Variants in ASXL1 observed in about 807,000 individuals in gnomAD.
ASXL1 encodes ASXL transcriptional regulator 1.
A neutral mutation model predicts 89.1 loss-of-function variants in ASXL1; 65 were observed. That is an observed-to-expected ratio of 0.73 (90% CI 0.60 to 0.90). ASXL1 has a LOEUF of 0.90. Among genes scored for constraint, ASXL1 ranks in the 40% least tolerant of loss-of-function variants. The pLI, the probability that ASXL1 is intolerant of heterozygous loss-of-function variation, is 0.00. For missense variants in ASXL1, 1,786 were observed against 1,942.9 expected (o/e 0.92, Z 1.52); for synonymous variants, 739 against 746.9 (o/e 0.99, Z 0.17).
intron 4 of ASXL1, among the ~76,000 whole-genome samples, chr20:32,417,090 A>G (rs972368262): frequency 1.3e-5 from 2 of 152,216 alleles, no homozygotes; most frequent in African/African-American, 4.8e-5. Context: ...ATGTAGATTG[A>G]CAGGTCTAGG....
At chr20:32,363,273 GAT>G (rs1184261901) in intron 1 of ASXL1, among the ~76,000 whole-genome samples, 1 of 149,016 alleles carries the variant, frequency 6.7e-6, no homozygotes, top group Non-Finnish European at 1.5e-5. Flanking sequence ...AAAAAAAAAA[GAT>G]ATAAAAATTC....
intron 3 of ASXL1, among the ~76,000 whole-genome samples, chr20:32,368,604 T>C (rs567833275): frequency 6.6e-6 from 1 of 152,316 alleles, no homozygotes; most frequent in African/African-American, 2.4e-5. Flanking sequence ...GTCATAGTAT[T>C]CTGTGGCAGT....
chr20:32,437,137 C>T lies in ASXL1; in HGVS notation c.4425C>T (p.Ser1475=), dbSNP rs2011966101. Reference sequence around the variant, plus strand: ...TTGCTGGAAGTGTGGTGCAGCTGAGCCACAAAGCAAACTTTGGTGCGAGCC... The same window carrying T: ...TTGCTGGAAGTGTGGTGCAGCTGAGTCACAAAGCAAACTTTGGTGCGAGCC... ...KGLAGSVVQL[S]HKANFGASHS... is the part of the protein sequence containing the mutation. The change falls in exon 13 of 13, where the codon AGC becomes AGT. Residue 1475 remains serine (S), a synonymous_variant. Transcript: ENST00000375687. 1 of 1,614,082 alleles carries T rather than the reference C, an allele frequency of 6.2e-7. No individual in the cohort carries two copies. Among genetic ancestry groups the T allele is most frequent in the African/African-American group, 1.3e-5 (1 of 74,926 alleles).
chr20:32,367,708 T>C lies in ASXL1; in HGVS notation c.141-19T>C. 1 of 780,932 alleles carries C rather than the reference T, an allele frequency of 1.3e-6. No individual in the cohort carries two copies. The highest frequency in any genetic ancestry group is 2.4e-5 in the East Asian group (1 of 41,252). 48.4% of individuals were successfully genotyped at this position (780,932 alleles called of 1,614,324 possible). A position where few individuals can be genotyped will look rare whatever the true frequency, so the allele number is the denominator to read the frequency against. On this transcript the variant is annotated intron_variant, in intron 2 of 12. Transcript: ENST00000375687. ...ATCATGCTGCTGTCTGCACTGCTGTTGGACCACTTTGCCTATAGAAGGTAA... is the reference window on the plus strand; with the variant it reads ...ATCATGCTGCTGTCTGCACTGCTGTCGGACCACTTTGCCTATAGAAGGTAA...
intron 4 of ASXL1, among the ~76,000 whole-genome samples, chr20:32,379,682 T>C (rs923490253): frequency 2.0e-5 from 3 of 151,146 alleles, no homozygotes; most frequent in African/African-American, 7.3e-5. Flanking sequence ...GAAAATTAGC[T>C]GGGATTACAG....
intron 1 of ASXL1, 26 bp from the exon 2 acceptor site, chr20:32,366,357 GA>G (rs1435344229): frequency 1.3e-6 from 2 of 1,573,770 alleles, no homozygotes; most frequent in South Asian, 2.2e-5. Context: ...ATTGCACACT[GA>G]AATTAGGACG....
chr20:32,360,939 G>T (rs561563296), intron 1 of ASXL1: 1 of 152,654 alleles, frequency 6.6e-6, no homozygotes, highest in South Asian at 2.1e-4. Flanking sequence ...TAAAGATGGG[G>T]TTTTTCCATG....
At chr20:32,374,515 C>G (rs2048346529) in intron 4 of ASXL1, among the ~76,000 whole-genome samples, 1 of 151,878 alleles carries the variant, frequency 6.6e-6, no homozygotes, top group African/African-American at 2.4e-5. Flanking sequence ...AGGCTAGTCT[C>G]AAACTCCTGG....
chr20:32,428,043 C>G, intron 4 of ASXL1, 85 bp from the exon 5 acceptor site: 1 of 1,582,032 alleles, frequency 6.3e-7, no homozygotes, highest in South Asian at 1.1e-5. Context: ...CCCTCTTTTT[C>G]AAAAGCATAC....
intron 4 of ASXL1, among the ~76,000 whole-genome samples, chr20:32,376,230 ATTTTAT>A (rs2048375576): frequency 6.6e-6 from 1 of 151,310 alleles, no homozygotes; most frequent in South Asian, 2.1e-4. Flanking sequence ...CAGTTATTTT[ATTTTAT>A]TTTTATTTTA....
At chr20:32,421,954 C>T (rs1300236327) in intron 4 of ASXL1, among the ~76,000 whole-genome samples, 4 of 149,018 alleles carry the variant, frequency 2.7e-5, no homozygotes, top group Admixed American at 1.3e-4. Context: ...CTGCAAGCTC[C>T]GCCTCCCGGG....
At chr20:32,358,883 T>A in intron 1 of ASXL1, 51 bp downstream of exon 1, 1 of 1,416,310 alleles carries the variant, frequency 7.1e-7, no homozygotes, top group Non-Finnish European at 9.3e-7. Context: ...TGGGGGGGGC[T>A]CGCCGCGCAC....
intron 12 of ASXL1, 55 bp from the exon 13 acceptor site, chr20:32,434,377 C>G: frequency 6.3e-7 from 1 of 1,597,014 alleles, no homozygotes; most frequent in Middle Eastern, 1.7e-4. Context: ...GCTTTACAGT[C>G]CCTAGGTCAG....
intron 4 of ASXL1, among the ~76,000 whole-genome samples, chr20:32,420,411 A>C (rs1399477108): frequency 1.3e-5 from 2 of 152,124 alleles, no homozygotes; most frequent in East Asian, 1.9e-4. Flanking sequence ...CAGATTTGCC[A>C]CATTCGTAGT....
chr20:32,433,162 T>G, intron 11 of ASXL1, 122 bp from the exon 12 acceptor site: 2 of 1,546,932 alleles, frequency 1.3e-6, no homozygotes, highest in East Asian at 4.8e-5. Flanking sequence ...CATGGTTAGA[T>G]TGTGCACCAC....
At chr20:32,422,778 G>T (rs1179646415) in intron 4 of ASXL1, among the ~76,000 whole-genome samples, 1 of 151,222 alleles carries the variant, frequency 6.6e-6, no homozygotes, top group Non-Finnish European at 1.5e-5. Flanking sequence ...GTAGAGACGG[G>T]GTTTCACCAT....
chr20:32,377,494 T>C (rs1005649706), intron 4 of ASXL1, among the ~76,000 whole-genome samples: 1 of 152,070 alleles, frequency 6.6e-6, no homozygotes, highest in African/African-American at 2.4e-5. Flanking sequence ...ATCCTTTATC[T>C]GAAATGCTTG....
Position 32,434,664 on chromosome 20 carries a change from G to A in ASXL1, c.1952G>A (p.Gly651Asp). 1 of 1,602,640 alleles carries A rather than the reference G, an allele frequency of 6.2e-7. No individual in the cohort carries two copies. The highest frequency in any genetic ancestry group is 8.5e-7 in the Non-Finnish European group (1 of 1,174,454). Residue 651 changes from glycine (G) to aspartate (D), a missense_variant, in exon 13 of 13, where the codon GGC (glycine) becomes GAC (aspartate). Physicochemically the swap from Gly to Asp is moderately conservative, Grantham distance 94 (BLOSUM62 -1). Coordinates refer to ENST00000375687, the MANE Select transcript of ASXL1 (RefSeq NM_015338.6). ...IGGGGGPGGG[G>D]GGATDEGGGR... Reference sequence around the variant, plus strand: ...GGGGGGGGTGGCCCGGGTGGAGGTGGCGGCGGGGCCACCGATGAGGGAGGT... The same window carrying A: ...GGGGGGGGTGGCCCGGGTGGAGGTGACGGCGGGGCCACCGATGAGGGAGGT...
chr20:32,412,570 C>A (rs911406779), intron 4 of ASXL1, among the ~76,000 whole-genome samples: 1 of 150,984 alleles, frequency 6.6e-6, no homozygotes, highest in Admixed American at 6.6e-5. Context: ...AGCACTGTTG[C>A]ATTACCCTTA....
Sources: gnomAD v4.1 joint callset for allele counts (sites outside exome capture counted in the v4.1 genomes callset) on GRCh38, gnomAD v4.1.1 for gene constraint, MANE v1.5 for transcripts, NCBI Gene and HGNC (gene_info 2026-07-23, HGNC 2026-07-21) for gene names.